CTIF: variants seen among roughly 807,000 people sequenced by gnomAD.
CTIF encodes the protein cap binding complex dependent translation initiation factor.
A neutral mutation model predicts 66.0 loss-of-function variants in CTIF; 21 were observed. That is an observed-to-expected ratio of 0.32 (90% CI 0.23 to 0.46). The LOEUF (loss-of-function observed/expected upper bound fraction) is 0.46. Among genes scored for constraint, CTIF ranks in the 20% least tolerant of loss-of-function variants. The pLI is 1.00. For synonymous variants in CTIF, 345 were observed against 326.4 expected (o/e 1.06, Z -0.62); for missense variants, 739 against 812.7 (o/e 0.91, Z 1.10).
chr18:48,620,085 A>T (rs1229502087), intron 2 of CTIF, among the ~76,000 whole-genome samples: 1 of 152,224 alleles, frequency 6.6e-6, no homozygotes, highest in Non-Finnish European at 1.5e-5. Flanking sequence ...TCTAGGAGAG[A>T]TCTGGAGGTT....
chr18:48,615,716 CA>C (rs2090386975), intron 1 of CTIF, among the ~76,000 whole-genome samples: 1 of 152,196 alleles, frequency 6.6e-6, no homozygotes, highest in Admixed American at 6.5e-5. Flanking sequence ...TTGCAGGTGC[CA>C]GGGGCCGGGG....
chr18:48,798,396 C>T (rs942140707), intron 9 of CTIF, among the ~76,000 whole-genome samples: 9 of 152,220 alleles, frequency 5.9e-5, no homozygotes, highest in Non-Finnish European at 1.0e-4. Flanking sequence ...GTTCATCACA[C>T]ATAAGGGCTC....
At chr18:48,759,181 C>G (rs1908712840) in intron 8 of CTIF, among the ~76,000 whole-genome samples, 1 of 152,224 alleles carries the variant, frequency 6.6e-6, no homozygotes, top group African/African-American at 2.4e-5. Context: ...GCCACCACCC[C>G]CGACCCCACT....
At chr18:48,798,573 C>T (rs1330444285) in intron 9 of CTIF, among the ~76,000 whole-genome samples, 3 of 152,182 alleles carry the variant, frequency 2.0e-5, no homozygotes, top group African/African-American at 4.8e-5. Context: ...TGTGGCATAC[C>T]GGTGTGTGTC....
intron 3 of CTIF, chr18:48,662,676 A>G (rs1381227881): frequency 2.0e-5 from 3 of 151,828 alleles, no homozygotes; most frequent in Non-Finnish European, 4.4e-5. Flanking sequence ...TCTCTCTGGA[A>G]GAGAGATTGG....
chr18:48,782,423 TC>T (rs1204211896), intron 9 of CTIF, among the ~76,000 whole-genome samples: 1 of 151,830 alleles, frequency 6.6e-6, no homozygotes, highest in Non-Finnish European at 1.5e-5. Flanking sequence ...GGTCCCCCTG[TC>T]CCCCCACCCG....
At chr18:48,651,103 C>T (rs776979433) in intron 3 of CTIF, among the ~76,000 whole-genome samples, 4 of 152,120 alleles carry the variant, frequency 2.6e-5, no homozygotes, top group Non-Finnish European at 5.9e-5. Context: ...GCAAAATAAC[C>T]AGCTAACATC....
At chr18:48,648,303 C>T (rs1026103861) in intron 3 of CTIF, among the ~76,000 whole-genome samples, 9 of 152,104 alleles carry the variant, frequency 5.9e-5, no homozygotes, top group Admixed American at 1.3e-4. Context: ...ACACAGATGT[C>T]CCAGCATGAA....
At chr18:48,787,790 C>T (rs1046871633) in intron 9 of CTIF, among the ~76,000 whole-genome samples, 1 of 152,220 alleles carries the variant, frequency 6.6e-6, no homozygotes, top group African/African-American at 2.4e-5. Context: ...ACAGTATTCC[C>T]TCTGCCCCTG....
intron 1 of CTIF, among the ~76,000 whole-genome samples, chr18:48,609,790 T>C (rs1275537406): frequency 6.6e-6 from 1 of 152,222 alleles, no homozygotes; most frequent in Non-Finnish European, 1.5e-5. Flanking sequence ...CTAGGGTGTA[T>C]ACAGCAGATG....
At chr18:48,747,726 G>A (rs866934510) in intron 7 of CTIF, among the ~76,000 whole-genome samples, 4 of 148,182 alleles carry the variant, frequency 2.7e-5, no homozygotes, top group African/African-American at 1.0e-4. Context: ...GGGCAACATA[G>A]CAAAACTCCT....
In CTIF at chr18:48,795,830, C is replaced by T. The variant is rs116158909; in HGVS notation, c.1372-21391C>T. On this transcript the variant is annotated intron_variant, in intron 9 of 11. Coordinates refer to ENST00000256413, the MANE Select transcript of CTIF (RefSeq NM_014772.3). ...GTAAGAATTTAATGTTTATAGAAAA[C>T]GGCTTTTTTTCCCCCAACACAAGTC... 5.3e-3 allele frequency among the ~76,000 whole-genome samples: 802 copies of T among 152,250 alleles called. 13 individuals carry two copies. Among genetic ancestry groups the T allele is most frequent in the African/African-American group, 0.018 (747 of 41,536 alleles).
chr18:48,771,713 C>G (rs1910137236), intron 9 of CTIF, among the ~76,000 whole-genome samples: 1 of 152,168 alleles, frequency 6.6e-6, no homozygotes, highest in Non-Finnish European at 1.5e-5. Context: ...TCACCCCTGG[C>G]TGGCTGGCAG....
intron 10 of CTIF, 91 bp downstream of exon 10, chr18:48,817,467 A>G (rs1310807617): frequency 1.4e-5 from 21 of 1,470,218 alleles, no homozygotes; most frequent in Middle Eastern, 1.8e-4. Flanking sequence ...CTGTGAGGGT[A>G]GGCTCACTTA....
At chr18:48,570,288 A>C (rs867310951) in intron 1 of CTIF, among the ~76,000 whole-genome samples, 26 of 152,218 alleles carry the variant, frequency 1.7e-4, no homozygotes, top group African/African-American at 5.8e-4. Context: ...AGGAGGAAGA[A>C]CTCTTGTCAT....
intron 6 of CTIF, among the ~76,000 whole-genome samples, chr18:48,685,073 T>C (rs1371648552): frequency 2.0e-5 from 3 of 150,496 alleles, no homozygotes; most frequent in Admixed American, 2.0e-4. Flanking sequence ...AAGATCAGAC[T>C]TTGCTTTTAG....
rs781128320 is a variant in CTIF at position 48,758,230 on chromosome 18, G to T, written c.896G>T (p.Ser299Ile). Residue 299 changes from serine to isoleucine, a missense_variant, in exon 8 of 12, where the codon AGC becomes ATC. Ser to Ile is a moderately radical substitution (Grantham distance 142). This residue lies in a region of CTIF where 529 missense variants were observed against 520.3 expected (regional missense o/e 1.02). Coordinates refer to ENST00000256413, the MANE Select transcript of CTIF (RefSeq NM_014772.3). ...TGHSSLEAPR[S>I]PDTLAPVASE... ...CACAGCAGCCTTGAGGCCCCCCGCA[G>T]CCCTGACACCCTGGCCCCGGTGGCT... is the stretch of plus-strand genomic sequence containing the variant. 46 of 1,613,328 alleles carry T rather than the reference G, an allele frequency of 2.9e-5. No homozygotes were observed. Among genetic ancestry groups the T allele is most frequent in the Non-Finnish European group, 3.7e-5 (44 of 1,179,746 alleles).
At chr18:48,791,963 C>T (rs1471717389) in intron 9 of CTIF, among the ~76,000 whole-genome samples, 1 of 152,198 alleles carries the variant, frequency 6.6e-6, no homozygotes, top group Non-Finnish European at 1.5e-5. Context: ...ACGTGCCAGG[C>T]CCTGGGCTAT....
chr18:48,626,379 G>A (rs1223567375), intron 2 of CTIF, among the ~76,000 whole-genome samples: 2 of 150,502 alleles, frequency 1.3e-5, no homozygotes, highest in Non-Finnish European at 1.5e-5. Context: ...GATGAGTCTT[G>A]CACTATCGCC....
Sources: gnomAD v4.1 joint callset for allele counts (sites outside exome capture counted in the v4.1 genomes callset) on GRCh38, gnomAD v4.1.1 for gene constraint, gnomAD v4.1.1 regional missense constraint, MANE v1.5 for transcripts, NCBI Gene and HGNC (gene_info 2026-07-23, HGNC 2026-07-21) for gene names.